The following VWA3B variants were observed in gnomAD, a reference collection of about 807,000 sequenced individuals.
The protein encoded by VWA3B is von Willebrand factor A domain containing 3B.
A neutral mutation model predicts 158.3 loss-of-function variants in VWA3B; 138 were observed. The ratio of observed to expected loss-of-function variants is 0.87; its 90% CI spans 0.76 to 1.00. The LOEUF (loss-of-function observed/expected upper bound fraction) is 1.00. VWA3B is among the 50% of genes least tolerant of loss of function. VWA3B has a pLI of 0.00. For synonymous variants in VWA3B, 596 were observed against 587.3 expected (o/e 1.01, Z -0.21); for missense variants, 1,555 against 1,565.1 (o/e 0.99, Z 0.11).
At chr2:98,109,190 C>G (rs1673936498) in intron 2 of VWA3B, among the ~76,000 whole-genome samples, 1 of 152,050 alleles carries the variant, frequency 6.6e-6, no homozygotes, top group South Asian at 2.1e-4. Flanking sequence ...CAGGGTTTCT[C>G]CATGTTGGTC....
At chr2:98,095,677 G>A (rs913331218) in intron 2 of VWA3B, among the ~76,000 whole-genome samples, 1 of 152,152 alleles carries the variant, frequency 6.6e-6, no homozygotes, top group Non-Finnish European at 1.5e-5. Context: ...AGTGGTGAAA[G>A]TGGGCATCGT....
rs1413938953 is a variant in VWA3B, at chr2:98,298,034, A to G, written c.3282+3A>G. On this transcript the variant is annotated splice_donor_region_variant and intron_variant, in intron 24 of 27. Coordinates refer to ENST00000477737, the MANE Select transcript of VWA3B (RefSeq NM_144992.5). ...CCATGCCCTGCCCGCTGCTCCAGGT[A>G]CCCAGTCCCTGATGTGTTCTGGGGC... 3 of 1,547,822 alleles carry G rather than the reference A, an allele frequency of 1.9e-6. No homozygotes were observed. The highest frequency in any genetic ancestry group is 2.6e-6 in the Non-Finnish European group (3 of 1,149,360).
At chr2:98,324,995 T>C in the VWA3B span, among the ~76,000 whole-genome samples, 1 of 151,902 alleles carries the variant, frequency 6.6e-6, no homozygotes, top group Non-Finnish European at 1.5e-5. Flanking sequence ...CAATAGAAAT[T>C]GTCAAATCTG....
intron 2 of VWA3B, among the ~76,000 whole-genome samples, chr2:98,105,660 C>G (rs1471544508): frequency 6.6e-6 from 1 of 151,912 alleles, no homozygotes; most frequent in African/African-American, 2.4e-5. Context: ...CCCAGGGTAT[C>G]AAGGTTGCAG....
At chr2:98,314,601 A>T (rs1042102219), downstream of VWA3B, among the ~76,000 whole-genome samples, 27 of 152,240 alleles carry the variant, frequency 1.8e-4, 1 homozygote, top group African/African-American at 6.0e-4. Flanking sequence ...CAGAACAAAG[A>T]TCAAGGATAT....
At chr2:98,129,259 G>GTGTGTGGA (rs1491368601) in intron 6 of VWA3B, among the ~76,000 whole-genome samples, 1 of 148,018 alleles carries the variant, frequency 6.8e-6, no homozygotes. Context: ...GTGTGTGTGT[G>GTGTGTGGA]GAGAGAGAGG....
intron 26 of VWA3B, among the ~76,000 whole-genome samples, chr2:98,307,338 G>T (rs575107631): frequency 2.1e-4 from 32 of 152,302 alleles, no homozygotes; most frequent in Admixed American, 3.9e-4. Context: ...GCTGGAACGG[G>T]ACCTCACATT....
chr2:98,242,613 G>A (rs1350569073), intron 19 of VWA3B, among the ~76,000 whole-genome samples: 1 of 150,494 alleles, frequency 6.6e-6, no homozygotes, highest in Admixed American at 6.7e-5. Context: ...CCTTCTCCGG[G>A]TTCTGCACAT....
At chr2:98,171,598 A>C (rs1679592936) in intron 8 of VWA3B, among the ~76,000 whole-genome samples, 1 of 152,152 alleles carries the variant, frequency 6.6e-6, no homozygotes, top group African/African-American at 2.4e-5. Context: ...GCCGCGGTAC[A>C]GGGGTTCACC....
At chr2:98,090,036 C>T (rs927579404) in intron 1 of VWA3B, among the ~76,000 whole-genome samples, 1 of 152,030 alleles carries the variant, frequency 6.6e-6, no homozygotes, top group Non-Finnish European at 1.5e-5. Flanking sequence ...AAAAGTGCTC[C>T]CTTTTAAACC....
downstream of VWA3B, among the ~76,000 whole-genome samples, chr2:98,314,583 C>T (rs893636457): frequency 3.9e-5 from 6 of 152,180 alleles, no homozygotes; most frequent in Non-Finnish European, 8.8e-5. Flanking sequence ...TTCCAAATAC[C>T]TGTGTCCCAG....
intron 21 of VWA3B, among the ~76,000 whole-genome samples, chr2:98,268,171 T>C (rs201651322): frequency 2.0e-5 from 3 of 151,180 alleles, no homozygotes; most frequent in Admixed American, 6.6e-5. Context: ...AAAGAGGGAA[T>C]CCTCCCTAAC....
At chr2:98,183,189 C>CT (rs1244544813) in intron 9 of VWA3B, among the ~76,000 whole-genome samples, 2,715 of 124,576 alleles carry the variant, frequency 0.022, 83 homozygotes, top group African/African-American at 0.06. Context: ...GTACAGCTCC[C>CT]TTTTTTTTTT....
chr2:98,170,821 G>A (rs1679521402), intron 8 of VWA3B, among the ~76,000 whole-genome samples: 1 of 152,006 alleles, frequency 6.6e-6, no homozygotes, highest in South Asian at 2.1e-4. Flanking sequence ...TGGCCAGGAT[G>A]GTCTCTATCT....
At chr2:98,152,568 G>A (rs1056142501) in intron 7 of VWA3B, among the ~76,000 whole-genome samples, 5 of 152,164 alleles carry the variant, frequency 3.3e-5, no homozygotes, top group Admixed American at 3.3e-4. Context: ...TTTGGAGAAG[G>A]CTTCATCTTT....
At chr2:98,263,431 G>A (rs550719003) in intron 21 of VWA3B, among the ~76,000 whole-genome samples, 9 of 151,752 alleles carry the variant, frequency 5.9e-5, no homozygotes, top group Non-Finnish European at 1.3e-4. Flanking sequence ...TTCCTAGTTT[G>A]CTGAGTGTTT....
chr2:98,193,735 G>A (rs1037007861), intron 11 of VWA3B, among the ~76,000 whole-genome samples: 4 of 151,918 alleles, frequency 2.6e-5, no homozygotes, highest in East Asian at 1.9e-4. Context: ...GACTACAGGC[G>A]CCTGCCACCA....
At chr2:98,136,909 C>T (rs565567526) in intron 7 of VWA3B, among the ~76,000 whole-genome samples, 1 of 152,306 alleles carries the variant, frequency 6.6e-6, no homozygotes, top group South Asian at 2.1e-4. Context: ...CAGTATTTGT[C>T]CTTCTGCCAC....
At chr2:98,245,355 C>T in intron 19 of VWA3B, 1 of 347,810 alleles carries the variant, frequency 2.9e-6, no homozygotes, top group South Asian at 2.2e-5. Context: ...TGAGAATGCC[C>T]CTTATGACCT....
Sources: allele counts gnomAD v4.1 joint callset (sites outside exome capture counted in the v4.1 genomes callset), GRCh38; gene constraint gnomAD v4.1.1; transcripts MANE v1.5; gene names NCBI Gene and HGNC (gene_info 2026-07-23, HGNC 2026-07-21).